The following ARSB variants were observed in gnomAD, a reference collection of about 807,000 sequenced individuals.
ARSB encodes the protein arylsulfatase B, also known as N-acetylgalactosamine-4-sulfatase.
In ARSB, 41 loss-of-function variants were observed where a neutral mutation model predicts 50.9. The observed-to-expected ratio is 0.81, with a 90% CI of 0.63 to 1.04. The LOEUF is 1.04. Ranked by LOEUF, ARSB falls within the 50% of genes least tolerant of loss-of-function variation. ARSB has a pLI of 0.00. For missense variants in ARSB, 672 were observed against 693.3 expected, an observed-to-expected ratio of 0.97 and a Z score of 0.35; for synonymous variants, 269 against 284.8, an observed-to-expected ratio of 0.94 and a Z score of 0.56.
At chr5:78,895,907 T>C (rs946488457) in intron 4 of ARSB, among the ~76,000 whole-genome samples, 3 of 152,028 alleles carry the variant, frequency 2.0e-5, no homozygotes, top group African/African-American at 7.2e-5. Flanking sequence ...TAAGCACACA[T>C]CTTGGGCTCT....
At chr5:78,893,071 C>G (rs1330509614) in intron 4 of ARSB, among the ~76,000 whole-genome samples, 1 of 152,122 alleles carries the variant, frequency 6.6e-6, no homozygotes, top group Non-Finnish European at 1.5e-5. Flanking sequence ...GGGGCAGATT[C>G]CCCCATACTG....
At chr5:78,803,557 C>T (rs1451713240) in intron 6 of ARSB, among the ~76,000 whole-genome samples, 7 of 152,212 alleles carry the variant, frequency 4.6e-5, no homozygotes, top group South Asian at 2.1e-4. Context: ...CCTTGGTCCA[C>T]TGGGGCCTGC....
At chr5:78,894,675 A>C (rs1748482781) in intron 4 of ARSB, among the ~76,000 whole-genome samples, 1 of 152,222 alleles carries the variant, frequency 6.6e-6, no homozygotes, top group Admixed American at 6.5e-5. Flanking sequence ...ATATATCCAA[A>C]CATGAAGCAG....
chr5:78,845,997 G>C (rs1745427362), intron 5 of ARSB, among the ~76,000 whole-genome samples: 1 of 152,038 alleles, frequency 6.6e-6, no homozygotes. Context: ...TTTTCTTTCA[G>C]GAGTTTCATA....
chr5:78,905,573 T>C (rs944622010), intron 4 of ARSB, among the ~76,000 whole-genome samples: 1 of 152,098 alleles, frequency 6.6e-6, no homozygotes, highest in Admixed American at 6.5e-5. Flanking sequence ...GAGGTTTGGG[T>C]TTGCCCAGCG....
chr5:78,826,733 T>C (rs1176193266), intron 6 of ARSB, among the ~76,000 whole-genome samples: 1 of 152,192 alleles, frequency 6.6e-6, no homozygotes, highest in Non-Finnish European at 1.5e-5. Context: ...TTACCCCTCA[T>C]GTATTAAAGG....
intron 5 of ARSB, among the ~76,000 whole-genome samples, chr5:78,846,917 G>A (rs867986338): frequency 2.0e-5 from 3 of 152,104 alleles, no homozygotes; most frequent in South Asian, 2.1e-4. Flanking sequence ...GTGTTGAGCT[G>A]TGGTCCTTCT....
In ARSB at chr5:78,819,330, G is replaced by C. The variant is rs563012670; in HGVS notation, c.1213+20026C>G. Among the ~76,000 whole-genome samples the C allele has an allele frequency of 2.0e-5, 3 of 152,334 alleles. No individual in the cohort carries two copies. The South Asian group carries it at 6.2e-4, about 32-fold the overall frequency. ...TCAAATTTGATCTGTTCTCTGCCTT[G>C]GCAAAGACCAAGTGCATTCCCTGTA... On this transcript the variant is annotated intron_variant, in intron 6 of 7. Coordinates refer to ENST00000264914, the MANE Select transcript of ARSB (RefSeq NM_000046.5).
In ARSB at chr5:78,894,309, C is replaced by G. The variant is rs575109928; in HGVS notation, c.899-8482G>C. ...GCCAGAGAAAGCTAGCACATTCTAT[C>G]TGGGCAGACATCAACTATTTCAATT... On this transcript the variant is annotated intron_variant, in intron 4 of 7. Coordinates refer to ENST00000264914, the MANE Select transcript of ARSB (RefSeq NM_000046.5). Among the ~76,000 whole-genome samples, 27 of 152,336 alleles carry G rather than the reference C, an allele frequency of 1.8e-4. 1 individual carries two copies. The East Asian group carries it at 5.2e-3, about 29-fold the overall frequency.
chr5:78,969,182 C>T lies in ARSB; in HGVS notation c.323G>A (p.Gly108Asp). 1.9e-6 allele frequency: 3 copies of T among 1,614,052 alleles called. No individual in the cohort carries two copies. Among genetic ancestry groups the T allele is most frequent in the Non-Finnish European group, 2.5e-6 (3 of 1,179,990 alleles). ...GGGCCAGATTATTTGGTGCTGTAAA[C>T]CTGTACGGATCTTACAGAGATAAAC... ...LLTGRYQIRTGLQHQIIWPCQ... is the reference protein window; with the variant it reads ...LLTGRYQIRTDLQHQIIWPCQ... The change falls in exon 2 of 8, where the codon GGT becomes GAT. Residue 108 changes from glycine (G) to aspartate (D), a missense_variant. Gly to Asp is a moderately conservative substitution (Grantham distance 94). Coordinates refer to ENST00000264914, the MANE Select transcript of ARSB (RefSeq NM_000046.5).
At chr5:78,976,388 A>T (rs980983491) in intron 1 of ARSB, among the ~76,000 whole-genome samples, 1 of 148,544 alleles carries the variant, frequency 6.7e-6, no homozygotes, top group Non-Finnish European at 1.5e-5. Context: ...CCCAGGCTCA[A>T]GCGATTTCCC....
Position 78,984,969 on chromosome 5 carries a change from A to G in ARSB, c.280T>C (p.Ser94Pro). ...CGGCCAGTGAGCAGCTGGCTCCGCG[A>G]CGGCGTGCACAGCGGCTGCGTGTAG... ...NYYTQPLCTP[S>P]RSQLLTGRYQ... is the part of the protein sequence containing the mutation. Residue 94 changes from serine to proline, a missense_variant, in exon 1 of 8, where the codon TCG (serine) becomes CCG (proline). By Grantham distance (74) the Ser-to-Pro change is moderately conservative. Transcript: ENST00000264914. 6.7e-7 allele frequency: 1 copy of G among 1,494,314 alleles called. No homozygotes were observed. Among genetic ancestry groups the G allele is most frequent in the African/African-American group, 1.4e-5 (1 of 69,596 alleles). 92.6% of individuals were successfully genotyped at this position (1,494,314 alleles called of 1,614,324 possible). A position where few individuals can be genotyped will look rare whatever the true frequency, so the allele number is the denominator to read the frequency against.
intron 4 of ARSB, among the ~76,000 whole-genome samples, chr5:78,896,589 T>A (rs1194419928): frequency 6.6e-6 from 1 of 152,252 alleles, no homozygotes; most frequent in Non-Finnish European, 1.5e-5. Context: ...ATGGATATAA[T>A]AATTGTGTTA....
chr5:78,873,128 G>A (rs1747308175), intron 5 of ARSB, among the ~76,000 whole-genome samples: 1 of 151,962 alleles, frequency 6.6e-6, no homozygotes, highest in African/African-American at 2.4e-5. Flanking sequence ...AACCATTACA[G>A]GATATTTCAA....
intron 4 of ARSB, among the ~76,000 whole-genome samples, chr5:78,933,697 A>G (rs974512990): frequency 6.6e-6 from 1 of 152,192 alleles, no homozygotes; most frequent in Non-Finnish European, 1.5e-5. Flanking sequence ...AAAAATTTCA[A>G]TCATTCCAAA....
At chr5:78,938,002 T>C (rs1166717323) in intron 4 of ARSB, among the ~76,000 whole-genome samples, 2 of 152,170 alleles carry the variant, frequency 1.3e-5, no homozygotes, top group Non-Finnish European at 2.9e-5. Flanking sequence ...GCCCAACTCA[T>C]GGTTTCTACA....
chr5:78,932,068 G>GT (rs1376354371), intron 4 of ARSB, among the ~76,000 whole-genome samples: 2 of 152,162 alleles, frequency 1.3e-5, no homozygotes, highest in Non-Finnish European at 2.9e-5. Flanking sequence ...TTATAGCAGT[G>GT]TGAGAATGGA....
intron 4 of ARSB, among the ~76,000 whole-genome samples, chr5:78,896,864 T>A (rs1242390247): frequency 6.6e-6 from 1 of 152,122 alleles, no homozygotes; most frequent in Non-Finnish European, 1.5e-5. Context: ...ACTGTAACTA[T>A]ATGTCTAATT....
In ARSB at chr5:78,780,574, A is replaced by G. The variant is rs778250810; in HGVS notation, c.1425T>C (p.Phe475=). The G allele has an allele frequency of 6.2e-6, 10 of 1,613,974 alleles. No individual in the cohort carries two copies. The African/African-American group carries it at 8.0e-5, about 13-fold the overall frequency. ...TTTCTTCAGGGTCCCGATCAATATC[A>G]AAGAGCCAGAGGGTCTTGGTTGGTG... ...SDPPTKTLWL[F]DIDRDPEERH... is the part of the protein sequence containing the mutation. Residue 475 remains phenylalanine (F), a synonymous_variant, in exon 8 of 8, where the codon TTT becomes TTC. Transcript: ENST00000264914.
Sources: gnomAD v4.1 joint callset for allele counts (sites outside exome capture counted in the v4.1 genomes callset) on GRCh38, gnomAD v4.1.1 for gene constraint, MANE v1.5 for transcripts, NCBI Gene and HGNC (gene_info 2026-07-23, HGNC 2026-07-21) for gene names.